CNTNAP2: variants seen among roughly 807,000 people sequenced by gnomAD.
CNTNAP2 encodes contactin-associated protein-like 2.
Under a neutral mutation model 155.2 loss-of-function variants are expected in CNTNAP2, and 98 were observed. The observed-to-expected ratio is 0.63, with a 90% CI of 0.54 to 0.75. The LOEUF is 0.75. CNTNAP2 is among the 30% of genes least tolerant of loss of function. The probability of loss-of-function intolerance (pLI) is 0.00; values close to 1 mark genes in which losing one functional copy is unlikely to be tolerated. For synonymous variants in CNTNAP2, 651 were observed against 631.2 expected (o/e 1.03, Z -0.47); for missense variants, 1,727 against 1,688.1 (o/e 1.02, Z -0.40).
At chr7:146,988,270 C>A (rs193080631) in intron 3 of CNTNAP2, among the ~76,000 whole-genome samples, 2 of 151,878 alleles carry the variant, frequency 1.3e-5, no homozygotes, top group East Asian at 3.9e-4. Flanking sequence ...TTCAACTTAC[C>A]AGAGAAAGAA....
At chr7:147,635,184 C>G (rs1270883300) in intron 12 of CNTNAP2, among the ~76,000 whole-genome samples, 5 of 137,106 alleles carry the variant, frequency 3.6e-5, no homozygotes, top group African/African-American at 1.6e-4. Context: ...CACTGGCAAA[C>G]TATATATATA....
At chr7:148,363,847 G>A (rs1285465643) in intron 21 of CNTNAP2, among the ~76,000 whole-genome samples, 2 of 147,186 alleles carry the variant, frequency 1.4e-5, no homozygotes, top group South Asian at 2.1e-4. Flanking sequence ...CTGGGGCTGC[G>A]TGCGGGCCAG....
chr7:148,411,566 C>A (rs1395736955), intron 23 of CNTNAP2, among the ~76,000 whole-genome samples: 1 of 151,788 alleles, frequency 6.6e-6, no homozygotes, highest in Non-Finnish European at 1.5e-5. Flanking sequence ...GTGCCCGGCC[C>A]CAATCTTTTT....
At chr7:146,765,891 G>A (rs75291078) in intron 1 of CNTNAP2, among the ~76,000 whole-genome samples, 3 of 152,154 alleles carry the variant, frequency 2.0e-5, no homozygotes, top group Non-Finnish European at 2.9e-5. Flanking sequence ...AGGATGGAAA[G>A]GCCTTTGAGC....
At chr7:146,709,660 G>T (rs1265165295) in intron 1 of CNTNAP2, among the ~76,000 whole-genome samples, 1 of 152,148 alleles carries the variant, frequency 6.6e-6, no homozygotes, top group Non-Finnish European at 1.5e-5. Context: ...GTGCAGTCTG[G>T]ATGTCTCCAG....
chr7:148,161,291 C>T (rs912565214), intron 17 of CNTNAP2, among the ~76,000 whole-genome samples: 1 of 152,094 alleles, frequency 6.6e-6, no homozygotes, highest in Non-Finnish European at 1.5e-5. Flanking sequence ...TGCTTCTTGC[C>T]CTTATTTCGC....
chr7:146,597,975 T>C (rs1416096990), intron 1 of CNTNAP2, among the ~76,000 whole-genome samples: 3 of 152,086 alleles, frequency 2.0e-5, no homozygotes, highest in African/African-American at 7.2e-5. Context: ...AGGTCATAAC[T>C]GTTTCACCTC....
rs201881158 is a variant in CNTNAP2, at chr7:148,342,379, T to TA, written c.3476-41261dup. 5.1e-3 allele frequency among the ~76,000 whole-genome samples: 770 copies of TA among 151,662 alleles called. 5 individuals are homozygous for TA. Among genetic ancestry groups the TA allele is most frequent in the African/African-American group, 0.017 (709 of 41,416 alleles). On this transcript the variant is annotated intron_variant, in intron 21 of 23. Coordinates refer to ENST00000361727, the MANE Select transcript of CNTNAP2 (RefSeq NM_014141.6). The stretch of plus-strand genomic sequence containing the variant: ...CATGAAAGCCAACACTTCTCAACTT[T>TA]AAAAAAAAATGCCTTAATATTTAGT...
At chr7:147,241,174 G>A (rs954370624) in intron 8 of CNTNAP2, among the ~76,000 whole-genome samples, 1 of 152,112 alleles carries the variant, frequency 6.6e-6, no homozygotes, top group Non-Finnish European at 1.5e-5. Context: ...CTTTAACAAC[G>A]TTTCTCTCTG....
chr7:146,842,049 A>T (rs1803736906), intron 3 of CNTNAP2, among the ~76,000 whole-genome samples: 1 of 151,588 alleles, frequency 6.6e-6, no homozygotes, highest in Admixed American at 6.6e-5. Context: ...TGCCTGGCTA[A>T]TTTTTTTTTG....
chr7:146,536,478 TG>T (rs1255294965), intron 1 of CNTNAP2, among the ~76,000 whole-genome samples: 1 of 151,840 alleles, frequency 6.6e-6, no homozygotes, highest in Non-Finnish European at 1.5e-5. Flanking sequence ...AATGATGCAT[TG>T]GGGGAGGGTG....
At chr7:148,099,041 G>A (rs1302845432) in intron 15 of CNTNAP2, among the ~76,000 whole-genome samples, 1 of 152,086 alleles carries the variant, frequency 6.6e-6, no homozygotes. Flanking sequence ...GTGAGAGGAA[G>A]GAAGAAATTG....
At chr7:146,697,635 G>A (rs1264990936) in intron 1 of CNTNAP2, among the ~76,000 whole-genome samples, 2 of 152,038 alleles carry the variant, frequency 1.3e-5, no homozygotes, top group Non-Finnish European at 2.9e-5. Flanking sequence ...TGTTAGCATT[G>A]CTGTATCTTT....
intron 10 of CNTNAP2, among the ~76,000 whole-genome samples, chr7:147,484,221 T>C (rs1478966591): frequency 6.6e-6 from 1 of 152,170 alleles, no homozygotes; most frequent in Non-Finnish European, 1.5e-5. Context: ...AAAGTAAGTG[T>C]CTATTAAATT....
intron 1 of CNTNAP2, among the ~76,000 whole-genome samples, chr7:146,448,281 A>G (rs1292726809): frequency 1.3e-5 from 2 of 152,040 alleles, no homozygotes; most frequent in Non-Finnish European, 2.9e-5. Flanking sequence ...TTTCTAAGAC[A>G]AAACAGCTTG....
chr7:148,152,952 C>T lies in CNTNAP2; in HGVS notation c.2773+5243C>T, dbSNP rs184370335. Among the ~76,000 whole-genome samples the T allele has an allele frequency of 6.0e-4, 76 of 126,756 alleles. 1 individual carries two copies. The South Asian group carries it at 0.017, about 29-fold the overall frequency. The allele number at this position is 126,756 out of a possible 152,430, so 83.2% of individuals were successfully genotyped here. A position where few individuals can be genotyped will look rare whatever the true frequency, so the allele number is the denominator to read the frequency against. On this transcript the variant is annotated intron_variant, in intron 17 of 23. Transcript: ENST00000361727. ...AGAAGAATGGCATGAACCCGGGAGG[C>T]GGAGCTTGCAGTGAGCCGAGATCGC...
At chr7:146,395,342 C>T (rs1180768475) in intron 1 of CNTNAP2, among the ~76,000 whole-genome samples, 3 of 152,084 alleles carry the variant, frequency 2.0e-5, no homozygotes, top group African/African-American at 7.2e-5. Flanking sequence ...ACTACTTCAC[C>T]AGAAGCAGAG....
At chr7:147,411,661 G>T (rs1014607706) in intron 10 of CNTNAP2, among the ~76,000 whole-genome samples, 6 of 152,042 alleles carry the variant, frequency 3.9e-5, no homozygotes, top group Admixed American at 1.3e-4. Flanking sequence ...AAAGTAGGAG[G>T]GTCCACCTTC....
At chr7:147,439,731 A>T (rs773736493) in intron 10 of CNTNAP2, among the ~76,000 whole-genome samples, 1 of 151,976 alleles carries the variant, frequency 6.6e-6, no homozygotes, top group Non-Finnish European at 1.5e-5. Flanking sequence ...CTTTAGCTCT[A>T]ATAATATTTG....
Sources: allele counts gnomAD v4.1 joint callset (sites outside exome capture counted in the v4.1 genomes callset), GRCh38; gene constraint gnomAD v4.1.1; transcripts MANE v1.5; gene names NCBI Gene and HGNC (gene_info 2026-07-23, HGNC 2026-07-21).